ANK3: variants seen among roughly 807,000 people sequenced by gnomAD.
The protein encoded by ANK3 is ankyrin-3.
In ANK3, 57 loss-of-function variants were observed where a neutral mutation model predicts 370.9. That is an observed-to-expected ratio of 0.15 (90% confidence interval 0.12 to 0.19). The LOEUF is 0.19. Ranked by LOEUF, ANK3 falls within the 10% of genes least tolerant of loss-of-function variation. The pLI, the probability that ANK3 is intolerant of heterozygous loss-of-function variation, is 1.00. For missense variants in ANK3, 4,439 were observed against 5,302.1 expected, an observed-to-expected ratio of 0.84 and a Z score of 5.06; for synonymous variants, 1,929 against 1,946.3, an observed-to-expected ratio of 0.99 and a Z score of 0.23.
intron 1 of ANK3, among the ~76,000 whole-genome samples, chr10:60,333,242 T>C (rs1042820081): frequency 3.3e-5 from 5 of 152,156 alleles, no homozygotes; most frequent in African/African-American, 1.2e-4. Context: ...GGTGGTTTGC[T>C]GCACCCATCA....
At chr10:60,287,342 C>T (rs964083395) in intron 1 of ANK3, among the ~76,000 whole-genome samples, 1 of 152,102 alleles carries the variant, frequency 6.6e-6, no homozygotes, top group Non-Finnish European at 1.5e-5. Context: ...TTTCCTCATT[C>T]ATCCTTCTCC....
intron 2 of ANK3, among the ~76,000 whole-genome samples, chr10:60,600,948 A>G (rs2078052887): frequency 6.6e-6 from 1 of 152,180 alleles, no homozygotes; most frequent in African/African-American, 2.4e-5. Context: ...AAAATAAACT[A>G]GAAACATATT....
chr10:60,646,129 G>T (rs1036038098), intron 1 of ANK3, among the ~76,000 whole-genome samples: 3 of 151,942 alleles, frequency 2.0e-5, no homozygotes, highest in Admixed American at 6.6e-5. Context: ...ATATCAGCAG[G>T]CAGGGAGCCA....
At chr10:60,430,181 C>G (rs2063983583) in intron 2 of ANK3, among the ~76,000 whole-genome samples, 1 of 152,148 alleles carries the variant, frequency 6.6e-6, no homozygotes, top group Non-Finnish European at 1.5e-5. Context: ...GTAGATGGCT[C>G]ATAGGCTTGG....
intron 16 of ANK3, among the ~76,000 whole-genome samples, chr10:60,190,079 G>C (rs2096446357): frequency 6.6e-6 from 1 of 152,140 alleles, no homozygotes; most frequent in Non-Finnish European, 1.5e-5. Context: ...ATAGATTAGA[G>C]CTGCCCATCT....
intron 1 of ANK3, among the ~76,000 whole-genome samples, chr10:60,700,407 T>A (rs1014339385): frequency 6.6e-6 from 1 of 152,126 alleles, no homozygotes; most frequent in Non-Finnish European, 1.5e-5. Flanking sequence ...AACTGGAAAT[T>A]TTTTTAAGTT....
intron 2 of ANK3, among the ~76,000 whole-genome samples, chr10:60,607,113 A>G (rs1451562994): frequency 1.3e-5 from 2 of 152,208 alleles, no homozygotes; most frequent in Non-Finnish European, 2.9e-5. Context: ...CTTCCTGTCC[A>G]TATATATGCA....
At chr10:60,680,137 G>GAAA (rs10641945) in intron 1 of ANK3, among the ~76,000 whole-genome samples, 1,846 of 128,200 alleles carry the variant, frequency 0.014, 42 homozygotes, top group African/African-American at 0.036. Context: ...TCTGTCTCGG[G>GAAA]AAAAAAAAAA....
intron 1 of ANK3, among the ~76,000 whole-genome samples, chr10:60,656,990 A>G (rs931193514): frequency 3.3e-5 from 5 of 152,116 alleles, no homozygotes; most frequent in African/African-American, 4.8e-5. Flanking sequence ...TGCTACTGAT[A>G]AAGACATACC....
chr10:60,562,088 C>G (rs1217888501), intron 2 of ANK3, among the ~76,000 whole-genome samples: 1 of 152,074 alleles, frequency 6.6e-6, no homozygotes, highest in Non-Finnish European at 1.5e-5. Flanking sequence ...TAAAACAGAC[C>G]TATTAAATAG....
intron 1 of ANK3, among the ~76,000 whole-genome samples, chr10:60,653,082 A>G (rs1398625543): frequency 1.3e-5 from 2 of 152,146 alleles, no homozygotes; most frequent in Non-Finnish European, 2.9e-5. Context: ...TATATCATAA[A>G]TATTTTCTCC....
intron 43 of ANK3, among the ~76,000 whole-genome samples, chr10:60,037,599 C>T (rs2075314108): frequency 2.7e-5 from 4 of 150,826 alleles, no homozygotes; most frequent in African/African-American, 4.9e-5. Flanking sequence ...ATCTATGTTC[C>T]GTTCCTGCAA....
chr10:60,098,546 A>T (rs1347079677), intron 28 of ANK3, among the ~76,000 whole-genome samples: 3 of 152,224 alleles, frequency 2.0e-5, no homozygotes, highest in African/African-American at 7.2e-5. Flanking sequence ...GTTCAGCTCC[A>T]TCAAAATACA....
chr10:60,216,254 A>G (rs531990467), intron 8 of ANK3, among the ~76,000 whole-genome samples: 3 of 152,194 alleles, frequency 2.0e-5, no homozygotes, highest in East Asian at 3.9e-4. Flanking sequence ...TGAATATGCT[A>G]TTTCTTTCCC....
intron 1 of ANK3, among the ~76,000 whole-genome samples, chr10:60,359,047 G>A (rs1040499065): frequency 6.6e-6 from 1 of 152,064 alleles, no homozygotes; most frequent in Admixed American, 6.6e-5. Flanking sequence ...CATGTTGATT[G>A]TTTGACTATC....
intron 1 of ANK3, among the ~76,000 whole-genome samples, chr10:60,724,196 C>CA (rs2079908215): frequency 1.1e-5 from 1 of 92,178 alleles, no homozygotes. Flanking sequence ...GGCGACAGAG[C>CA]AAGACTCCGT....
At chr10:60,064,506 A>AT (rs1338583872) in intron 38 of ANK3, among the ~76,000 whole-genome samples, 3 of 152,042 alleles carry the variant, frequency 2.0e-5, no homozygotes, top group South Asian at 2.1e-4. Flanking sequence ...TTACAATCAG[A>AT]TTTTTTTTAG....
chr10:60,235,505 T>C (rs929465990), intron 7 of ANK3, among the ~76,000 whole-genome samples: 3 of 151,592 alleles, frequency 2.0e-5, no homozygotes, highest in African/African-American at 4.8e-5. Flanking sequence ...TTCCAGACTG[T>C]CAAGGAAATG....
intron 4 of ANK3, among the ~76,000 whole-genome samples, chr10:60,271,734 AAC>A (rs1373293111): frequency 6.6e-6 from 1 of 152,036 alleles, no homozygotes; most frequent in Non-Finnish European, 1.5e-5. Flanking sequence ...GCCTCTGGCA[AAC>A]ACACTGCTTT....
Sources: gnomAD v4.1 joint callset for allele counts (sites outside exome capture counted in the v4.1 genomes callset) on GRCh38, gnomAD v4.1.1 for gene constraint, MANE v1.5 for transcripts, NCBI Gene and HGNC (gene_info 2026-07-23, HGNC 2026-07-21) for gene names.